Variants in CEP112 observed in about 807,000 individuals in gnomAD.
The protein encoded by CEP112 is centrosomal protein of 112 kDa.
A neutral mutation model predicts 153.0 loss-of-function variants in CEP112; 127 were observed. The ratio of observed to expected loss-of-function variants is 0.83; its 90% confidence interval spans 0.72 to 0.96. The LOEUF (loss-of-function observed/expected upper bound fraction) is 0.96. Ranked by LOEUF, CEP112 falls within the 40% of genes least tolerant of loss-of-function variation. The probability of loss-of-function intolerance (pLI) is 0.00; values close to 1 mark genes in which losing one functional copy is unlikely to be tolerated. For synonymous variants in CEP112, 358 were observed against 374.4 expected, an observed-to-expected ratio of 0.96 and a Z score of 0.51; for missense variants, 1,089 against 1,101.2, an observed-to-expected ratio of 0.99 and a Z score of 0.16.
chr17:65,670,943 G>A (rs375725098), intron 24 of CEP112, among the ~76,000 whole-genome samples: 13 of 151,580 alleles, frequency 8.6e-5, no homozygotes, highest in African/African-American at 3.2e-4. Context: ...AGATAACTGG[G>A]GAATCAACTC....
chr17:65,668,741 C>G (rs1016493188), intron 24 of CEP112, among the ~76,000 whole-genome samples: 1 of 152,216 alleles, frequency 6.6e-6, no homozygotes. Flanking sequence ...TTTCTATTCT[C>G]TCAACTCAGT....
At chr17:66,111,578 A>G (rs1163769798) in intron 6 of CEP112, among the ~76,000 whole-genome samples, 1 of 152,206 alleles carries the variant, frequency 6.6e-6, no homozygotes, top group East Asian at 1.9e-4. Context: ...AGAGGCTATT[A>G]CACTTAGCAA....
intron 4 of CEP112, among the ~76,000 whole-genome samples, chr17:66,172,358 C>T (rs2072281936): frequency 6.6e-6 from 1 of 152,038 alleles, no homozygotes; most frequent in African/African-American, 2.4e-5. Context: ...GCCTAAACTG[C>T]CCTGGGATAT....
intron 4 of CEP112, among the ~76,000 whole-genome samples, chr17:66,144,353 G>A (rs1414030856): frequency 2.0e-5 from 3 of 152,024 alleles, no homozygotes; most frequent in Non-Finnish European, 4.4e-5. Context: ...CGCTTGGCCT[G>A]GCCAAGAATA....
chr17:66,106,644 G>A (rs1003462345), intron 6 of CEP112, among the ~76,000 whole-genome samples: 3 of 151,960 alleles, frequency 2.0e-5, no homozygotes, highest in Non-Finnish European at 4.4e-5. Flanking sequence ...GATTGAAGCT[G>A]TAATAAAAAC....
At chr17:66,120,827 T>C (rs749995429) in intron 6 of CEP112, among the ~76,000 whole-genome samples, 8 of 151,086 alleles carry the variant, frequency 5.3e-5, no homozygotes, top group Non-Finnish European at 1.2e-4. Context: ...CTGATTTTCA[T>C]TATTGCTTGT....
chr17:66,017,406 G>A (rs1323178336), intron 16 of CEP112, among the ~76,000 whole-genome samples: 1 of 152,118 alleles, frequency 6.6e-6, no homozygotes. Flanking sequence ...ATGTGTCAAT[G>A]ACCATACTTT....
chr17:65,770,173 T>C (rs118178535), intron 21 of CEP112, among the ~76,000 whole-genome samples: 1,906 of 149,862 alleles, frequency 0.013, 10 homozygotes, highest in Non-Finnish European at 0.018. Flanking sequence ...AAAGATGAGA[T>C]AAATACAGAG....
At chr17:65,864,211 A>T (rs2146424754) in intron 20 of CEP112, among the ~76,000 whole-genome samples, 1 of 151,416 alleles carries the variant, frequency 6.6e-6, no homozygotes, top group Admixed American at 6.6e-5. Context: ...CAGATTTTTG[A>T]TCCTCGGGCA....
chr17:65,690,804 G>A (rs1325275178), intron 23 of CEP112, among the ~76,000 whole-genome samples: 1 of 152,170 alleles, frequency 6.6e-6, no homozygotes, highest in Non-Finnish European at 1.5e-5. Flanking sequence ...ACATAACAGG[G>A]TTCAAGTCAC....
intron 15 of CEP112, 91 bp from the exon 16 acceptor site, chr17:66,027,651 A>T: frequency 1.0e-6 from 1 of 954,242 alleles, no homozygotes; most frequent in Non-Finnish European, 1.4e-6. Context: ...CAATCTACTT[A>T]ATGTCAAACT....
At chr17:65,920,382 T>TATATATAC (rs2144045499) in intron 19 of CEP112, among the ~76,000 whole-genome samples, 1 of 101,136 alleles carries the variant, frequency 9.9e-6, no homozygotes, top group Non-Finnish European at 2.0e-5. Flanking sequence ...TATATATATA[T>TATATATAC]ATATATATAT....
At position 65,978,418 on chromosome 17, in the gene CEP112, G is replaced by A. The variant is rs182630441; in HGVS notation, c.1737-16820C>T. Among the ~76,000 whole-genome samples the A allele has an allele frequency of 1.3e-3, 192 of 152,330 alleles. 3 individuals are homozygous for A. The East Asian group carries it at 0.02, about 16-fold the overall frequency. On this transcript the variant is annotated intron_variant, in intron 17 of 26. Transcript: ENST00000535342. ...AATGAAGTAGGACTCGGTGTGCCCC[G>A]GAGCAAGGCCCAGCTCGGTCACGTG...
At chr17:66,009,610 T>C (rs2064426836) in intron 16 of CEP112, among the ~76,000 whole-genome samples, 1 of 152,202 alleles carries the variant, frequency 6.6e-6, no homozygotes, top group African/African-American at 2.4e-5. Context: ...TACATTTAAG[T>C]CTTTAATCCA....
intron 21 of CEP112, among the ~76,000 whole-genome samples, chr17:65,840,647 G>A (rs2146212741): frequency 6.6e-6 from 1 of 151,976 alleles, no homozygotes; most frequent in South Asian, 2.1e-4. Context: ...ATTATATCAA[G>A]ATAAAAATCT....
At chr17:65,950,953 C>G (rs559344998) in intron 18 of CEP112, among the ~76,000 whole-genome samples, 1 of 152,108 alleles carries the variant, frequency 6.6e-6, no homozygotes, top group East Asian at 1.9e-4. Flanking sequence ...ATAAATGGTG[C>G]TTGAATTTTT....
In CEP112 at chr17:66,175,113, A is replaced by G; in HGVS notation, c.401T>C (p.Leu134Ser). The G allele has an allele frequency of 6.2e-7, 1 of 1,613,382 alleles. No individual in the cohort carries two copies. The highest frequency in any genetic ancestry group is 8.5e-7 in the Non-Finnish European group (1 of 1,179,670). The part of the protein sequence containing the change: ...LGELETSEHK[L>S]NESWKLSSGE... ...AGAAGAGAGTTTCCATGATTCATTT[A>G]ATTTGTGTTCACTTGTCTCCAGCTC... Residue 134 changes from leucine (L) to serine (S), a missense_variant, in exon 4 of 27, where the codon TTA becomes TCA. Physicochemically the swap from Leu to Ser is moderately radical, Grantham distance 145 (BLOSUM62 -2). Transcript: ENST00000535342.
rs78930016 is a variant in CEP112 at position 66,152,851 on chromosome 17, G to A, written c.471-20088C>T. On this transcript the variant is annotated intron_variant, in intron 4 of 26. Transcript: ENST00000535342. Reference sequence around the variant, plus strand: ...CTCTGCTTGGCCCATTGTATGTTGGGTGTGTTAGGAGCAGATAACTATTAG... The same window carrying A: ...CTCTGCTTGGCCCATTGTATGTTGGATGTGTTAGGAGCAGATAACTATTAG... 6.1e-3 allele frequency among the ~76,000 whole-genome samples: 932 copies of A among 152,250 alleles called. 9 individuals carry two copies. Among genetic ancestry groups the A allele is most frequent in the African/African-American group, 0.021 (884 of 41,550 alleles).
chr17:65,660,521 C>G (rs1471984272), intron 24 of CEP112, among the ~76,000 whole-genome samples: 1 of 132,570 alleles, frequency 7.5e-6, no homozygotes. Context: ...CTTCCTTCTT[C>G]CCTTCTTCCT....
Sources: allele counts gnomAD v4.1 joint callset (sites outside exome capture counted in the v4.1 genomes callset), GRCh38; gene constraint gnomAD v4.1.1; transcripts MANE v1.5; gene names NCBI Gene and HGNC (gene_info 2026-07-23, HGNC 2026-07-21).